TM9SF3: variants seen among roughly 807,000 people sequenced by gnomAD.
The protein encoded by TM9SF3 is transmembrane 9 superfamily member 3.
In TM9SF3, 14 loss-of-function variants were observed where a neutral mutation model predicts 78.6. That is an observed-to-expected ratio of 0.18 (90% CI 0.12 to 0.28). The LOEUF (loss-of-function observed/expected upper bound fraction) is 0.28, where lower values mean the gene tolerates loss of function less well. Ranked by LOEUF, TM9SF3 falls within the 10% of genes least tolerant of loss-of-function variation. The pLI is 1.00. For missense variants in TM9SF3, 496 were observed against 721.9 expected (o/e 0.69, Z 3.59); for synonymous variants, 231 against 241.7 (o/e 0.96, Z 0.41).
chr10:96,548,264 C>CA (rs1323909052), intron 7 of TM9SF3, among the ~76,000 whole-genome samples: 2 of 152,014 alleles, frequency 1.3e-5, no homozygotes, highest in African/African-American at 4.8e-5. Flanking sequence ...ATTTATTTGG[C>CA]AAAAATACTA....
At chr10:96,579,454 T>C (rs1172039513) in intron 1 of TM9SF3, among the ~76,000 whole-genome samples, 1 of 152,214 alleles carries the variant, frequency 6.6e-6, no homozygotes, top group Admixed American at 6.5e-5. Flanking sequence ...CCTTTAAAAA[T>C]AGGGCATCCA....
At chr10:96,560,822 A>G (rs1284608830) in intron 4 of TM9SF3, 1 of 543,240 alleles carries the variant, frequency 1.8e-6, no homozygotes, top group African/African-American at 1.9e-5. Flanking sequence ...AAGGACAAAA[A>G]TCCTTCAAAA....
rs1589456032 is a variant in TM9SF3 at position 96,557,586 on chromosome 10, C to T, written c.660+2073G>A. On this transcript the variant is annotated intron_variant, in intron 5 of 14. Coordinates refer to ENST00000371142, the MANE Select transcript of TM9SF3 (RefSeq NM_020123.4). ...CCTTTGCATTTAAGAGTAAAATCTG[C>T]AGTCCTTAAAATGACCATGGATAAT... 2.0e-5 allele frequency among the ~76,000 whole-genome samples: 3 copies of T among 152,048 alleles called. No individual in the cohort carries two copies. The Middle Eastern group carries it at 0.01, about 517-fold the overall frequency.
intron 2 of TM9SF3, among the ~76,000 whole-genome samples, chr10:96,573,880 A>T (rs896837305): frequency 2.0e-5 from 3 of 152,180 alleles, no homozygotes; most frequent in African/African-American, 7.2e-5. Context: ...ATATGCAGAA[A>T]ACTGAAGCTG....
chr10:96,542,699 G>A (rs1848048813), intron 9 of TM9SF3, among the ~76,000 whole-genome samples: 1 of 151,678 alleles, frequency 6.6e-6, no homozygotes, highest in Non-Finnish European at 1.5e-5. Context: ...CTGATGGCCT[G>A]GAACTATTAC....
intron 2 of TM9SF3, among the ~76,000 whole-genome samples, chr10:96,575,594 A>G (rs1189798707): frequency 6.6e-6 from 1 of 152,138 alleles, no homozygotes; most frequent in South Asian, 2.1e-4. Flanking sequence ...TCTCACTGAC[A>G]TTCTTCTCCT....
intron 1 of TM9SF3, among the ~76,000 whole-genome samples, chr10:96,586,211 T>C (rs1450407279): frequency 6.6e-6 from 1 of 151,996 alleles, no homozygotes. Flanking sequence ...CACCCCAGGG[T>C]TTTAATCCGG....
In TM9SF3 at chr10:96,519,598, C is replaced by G. The variant is rs941504434; in HGVS notation, c.*2665G>C. The G allele has an allele frequency of 6.6e-5, 10 of 151,856 alleles. No individual in the cohort carries two copies. The highest frequency in any genetic ancestry group is 2.4e-4 in the African/African-American group (10 of 41,398). 9.4% of individuals were successfully genotyped at this position (151,856 alleles called of 1,614,324 possible). A position where few individuals can be genotyped will look rare whatever the true frequency, so the allele number is the denominator to read the frequency against. On this transcript the variant is annotated 3_prime_UTR_variant, in exon 15 of 15. Coordinates refer to ENST00000371142, the MANE Select transcript of TM9SF3 (RefSeq NM_020123.4). ...TAGCCTTAGTTTTTGATAGTATTAT[C>G]CAAAGTGTGAGTTGAAAGAAATTAA...
In TM9SF3 at chr10:96,526,438, C is replaced by T. The variant is rs187911271; in HGVS notation, c.1702+775G>A. 2.0e-3 allele frequency among the ~76,000 whole-genome samples: 305 copies of T among 152,248 alleles called. 1 individual carries two copies. Among genetic ancestry groups the T allele is most frequent in the African/African-American group, 6.1e-3 (255 of 41,562 alleles). ...CTGAGCAACAGCATGGACATTTATT[C>T]CAGTGCTTTCAGGCTCTCATGCTTA... On this transcript the variant is annotated intron_variant, in intron 14 of 14. Transcript: ENST00000371142.
At chr10:96,551,168 ATTGAC>A (rs546901056) in intron 7 of TM9SF3, 72 bp downstream of exon 7, 162 of 1,197,032 alleles carry the variant, frequency 1.4e-4, no homozygotes, top group Non-Finnish European at 1.8e-4. Flanking sequence ...TTTAATTATG[ATTGAC>A]TTAAAAGATT....
At chr10:96,571,895 A>T (rs78733344) in intron 2 of TM9SF3, among the ~76,000 whole-genome samples, 1 of 152,186 alleles carries the variant, frequency 6.6e-6, no homozygotes, top group Non-Finnish European at 1.5e-5. Flanking sequence ...ATGGGTGGTG[A>T]TCTCTTCTGG....
intron 8 of TM9SF3, among the ~76,000 whole-genome samples, chr10:96,547,194 A>G (rs1848111710): frequency 6.6e-6 from 1 of 152,232 alleles, no homozygotes; most frequent in Non-Finnish European, 1.5e-5. Context: ...CAGTCAACAG[A>G]AATACATAAC....
chr10:96,563,466 G>A (rs960286144), intron 3 of TM9SF3, among the ~76,000 whole-genome samples: 3 of 151,890 alleles, frequency 2.0e-5, no homozygotes, highest in South Asian at 4.2e-4. Flanking sequence ...ACCTCCACCC[G>A]CTGGGTTCAA....
rs1174517121 is a variant in TM9SF3 at position 96,559,644 on chromosome 10, A to C, written c.660+15T>G. 1.3e-6 allele frequency: 2 copies of C among 1,556,934 alleles called. No individual in the cohort carries two copies. Among genetic ancestry groups the C allele is most frequent in the Non-Finnish European group, 1.7e-6 (2 of 1,142,946 alleles). On this transcript the variant is annotated intron_variant, in intron 5 of 14. Transcript: ENST00000371142. ...GTGCACATAATCAATGTCTTAAAAT[A>C]CACTATTTACCTACCCGATGTTGAA... is the stretch of plus-strand genomic sequence containing the variant.
chr10:96,547,872 T>A (rs758118276), intron 8 of TM9SF3, 23 bp downstream of exon 8: 18 of 1,552,612 alleles, frequency 1.2e-5, no homozygotes, highest in Non-Finnish European at 1.5e-5. Context: ...ATTAACAACA[T>A]GAAGTGAGAA....
intron 14 of TM9SF3, among the ~76,000 whole-genome samples, chr10:96,526,334 A>C: frequency 6.6e-6 from 1 of 151,860 alleles, no homozygotes; most frequent in Non-Finnish European, 1.5e-5. Flanking sequence ...CCTCACAACC[A>C]CTCTGAAAGA....
At chr10:96,547,375 C>T (rs1254426777) in intron 8 of TM9SF3, among the ~76,000 whole-genome samples, 5 of 152,170 alleles carry the variant, frequency 3.3e-5, no homozygotes, top group Non-Finnish European at 7.3e-5. Flanking sequence ...CACTCTCCTA[C>T]ATGTTCCTCA....
intron 2 of TM9SF3, among the ~76,000 whole-genome samples, chr10:96,573,982 A>T (rs1848468492): frequency 1.3e-5 from 2 of 152,218 alleles, no homozygotes; most frequent in South Asian, 4.1e-4. Flanking sequence ...CTAGAAGAAA[A>T]CCTAGGCAAT....
chr10:96,551,334 T>C lies in TM9SF3; in HGVS notation c.870A>G (p.Ile290Met). 1 of 1,612,870 alleles carries C rather than the reference T, an allele frequency of 6.2e-7. No homozygotes were observed. The highest frequency in any genetic ancestry group is 1.3e-5 in the African/African-American group (1 of 74,940). Residue 290 changes from isoleucine (I) to methionine (M), a missense_variant, in exon 7 of 15, where the codon ATA becomes ATG. Ile to Met is a conservative substitution (Grantham distance 10). This residue lies in a region of TM9SF3 where 280 missense variants were observed against 422.6 expected (regional missense o/e 0.66). Transcript: ENST00000371142. The stretch of plus-strand genomic sequence containing the variant: ...ATCCAGAACCAATCAGAGAGGAAAA[T>C]ATCAGTGGGTGACTTGATGGTCTAA... ...DVFRPSSHPL[I>M]FSSLIGSGCQ...
Sources: allele counts gnomAD v4.1 joint callset (sites outside exome capture counted in the v4.1 genomes callset), GRCh38; gene constraint gnomAD v4.1.1; regional missense constraint gnomAD v4.1.1; transcripts MANE v1.5; gene names NCBI Gene and HGNC (gene_info 2026-07-23, HGNC 2026-07-21).